AGBL1: variants seen among roughly 807,000 people sequenced by gnomAD.
AGBL1 encodes cytosolic carboxypeptidase 4.
In AGBL1, 130 loss-of-function variants were observed where a neutral mutation model predicts 118.9. The observed-to-expected ratio is 1.09, with a 90% CI of 0.95 to 1.26. The LOEUF is 1.26. Among genes scored for constraint, AGBL1 ranks in the 50% most tolerant of loss-of-function variants. AGBL1 has a pLI of 0.00. For synonymous variants in AGBL1, 555 were observed against 478.9 expected, an observed-to-expected ratio of 1.16 and a Z score of -2.08; for missense variants, 1,584 against 1,298.1, an observed-to-expected ratio of 1.22 and a Z score of -3.38.
At chr15:86,608,768 G>A (rs1017872276) in intron 21 of AGBL1, among the ~76,000 whole-genome samples, 1 of 152,158 alleles carries the variant, frequency 6.6e-6, no homozygotes, top group African/African-American at 2.4e-5. Flanking sequence ...CAGATCTTCT[G>A]ATTTTTCAAG....
At chr15:87,021,859 A>G (rs147257979) in intron 24 of AGBL1, among the ~76,000 whole-genome samples, 2,337 of 152,244 alleles carry the variant, frequency 0.015, 20 homozygotes, top group Non-Finnish European at 0.025. Context: ...GAAACCTGAA[A>G]GGACCCACAG....
intron 18 of AGBL1, among the ~76,000 whole-genome samples, chr15:86,422,582 G>T (rs566815881): frequency 2.6e-5 from 4 of 151,604 alleles, no homozygotes; most frequent in East Asian, 3.9e-4. Context: ...CAGAAAACGA[G>T]AAAATACTTA....
At chr15:86,671,556 G>A (rs190094527) in intron 21 of AGBL1, among the ~76,000 whole-genome samples, 36 of 152,248 alleles carry the variant, frequency 2.4e-4, no homozygotes, top group Non-Finnish European at 4.6e-4. Context: ...CTGTGAACCC[G>A]TGATAACTGA....
At chr15:86,921,986 A>G (rs1177142579) in intron 23 of AGBL1, among the ~76,000 whole-genome samples, 1 of 152,156 alleles carries the variant, frequency 6.6e-6, no homozygotes, top group Non-Finnish European at 1.5e-5. Flanking sequence ...GTCTATATAA[A>G]AAAGGGACCT....
intron 22 of AGBL1, among the ~76,000 whole-genome samples, chr15:86,754,627 G>A (rs1332538407): frequency 1.3e-5 from 2 of 152,024 alleles, no homozygotes; most frequent in Middle Eastern, 3.2e-3. Flanking sequence ...AAGTGAGTAA[G>A]TGCTCCTCGT....
chr15:86,247,922 G>T, intron 7 of AGBL1, 43 bp downstream of exon 7: 1 of 1,592,518 alleles, frequency 6.3e-7, no homozygotes, highest in South Asian at 1.1e-5. Flanking sequence ...AGGCCAGCTG[G>T]GTGATTCCTG....
chr15:86,917,811 C>T (rs540743544), downstream of AGBL1, among the ~76,000 whole-genome samples: 395 of 152,078 alleles, frequency 2.6e-3, 7 homozygotes, highest in Non-Finnish European at 4.9e-3. The surrounding 1 kb of genome is among the most constrained non-coding windows in gnomAD (Gnocchi z 4.8). Flanking sequence ...ATGAGGACTT[C>T]CCAGCATGGC....
At chr15:86,562,288 A>G (rs2083836748) in intron 21 of AGBL1, among the ~76,000 whole-genome samples, 1 of 152,202 alleles carries the variant, frequency 6.6e-6, no homozygotes, top group Non-Finnish European at 1.5e-5. Flanking sequence ...TTTGTCATAA[A>G]TAGCTCTTAT....
At chr15:86,218,344 G>A (rs1300634594) in intron 5 of AGBL1, among the ~76,000 whole-genome samples, 1 of 152,148 alleles carries the variant, frequency 6.6e-6, no homozygotes, top group East Asian at 1.9e-4. Context: ...CTGAAAAGGG[G>A]ACGTCTGGGG....
chr15:86,410,878 T>TTATAATATATATTATATAACATATA lies in AGBL1; in HGVS notation c.2555+13351_2555+13352insCATATATATAATATATATTATATAA, dbSNP rs2081606146. ...TTATATATAAAATATATAATATATATTATAATATATATTATATAATATTAT... is the reference window on the plus strand; with the variant it reads ...TTATATATAAAATATATAATATATATTATAATATATATTATATAACATATATATAATATATATTATATAATATTAT... On this transcript the variant is annotated intron_variant, in intron 18 of 22. Transcript: ENST00000614907. Among the ~76,000 whole-genome samples, 19 of 79,552 alleles carry TTATAATATATATTATATAACATATA rather than the reference T, an allele frequency of 2.4e-4. 1 individual carries two copies. Among genetic ancestry groups the TTATAATATATATTATATAACATATA allele is most frequent in the African/African-American group, 8.6e-4 (19 of 22,166 alleles). 52.2% of individuals were successfully genotyped at this position (79,552 alleles called of 152,430 possible). A position where few individuals can be genotyped will look rare whatever the true frequency, so the allele number is the denominator to read the frequency against.
intron 24 of AGBL1, among the ~76,000 whole-genome samples, chr15:87,018,858 G>T (rs1248648320): frequency 6.6e-6 from 1 of 151,992 alleles, no homozygotes; most frequent in Non-Finnish European, 1.5e-5. Context: ...AAGACCCATT[G>T]GTATGTTGTC....
At chr15:86,884,261 C>A (rs2079937737) in intron 22 of AGBL1, among the ~76,000 whole-genome samples, 1 of 152,106 alleles carries the variant, frequency 6.6e-6, no homozygotes, top group South Asian at 2.1e-4. Context: ...GACTAATGGG[C>A]AGAATGGGCA....
intron 22 of AGBL1, among the ~76,000 whole-genome samples, chr15:86,901,748 A>G (rs1395527570): frequency 6.6e-6 from 1 of 152,062 alleles, no homozygotes; most frequent in Non-Finnish European, 1.5e-5. Flanking sequence ...CTTTGTATGC[A>G]TTTAGGTGTC....
In AGBL1 at chr15:86,413,962, T is replaced by C. The variant is rs144190858; in HGVS notation, c.2555+16416T>C. On this transcript the variant is annotated intron_variant, in intron 18 of 22. Coordinates refer to ENST00000614907, the MANE Select transcript of AGBL1 (RefSeq NM_001386094.1). ...GGATGATTGAATAAATAAAATGTGG[T>C]ATAAGTACACAATGGAATACTATTC... 1.9e-3 allele frequency among the ~76,000 whole-genome samples: 295 copies of C among 152,216 alleles called. 1 individual carries two copies. The highest frequency in any genetic ancestry group is 6.8e-3 in the African/African-American group (284 of 41,546).
At chr15:86,324,046 A>T (rs1227193498) in intron 17 of AGBL1, among the ~76,000 whole-genome samples, 1 of 152,208 alleles carries the variant, frequency 6.6e-6, no homozygotes, top group Non-Finnish European at 1.5e-5. Flanking sequence ...CATGTGCTAT[A>T]AGAAAAAATA....
chr15:86,654,082 T>C (rs960146654), intron 21 of AGBL1, among the ~76,000 whole-genome samples: 3 of 152,154 alleles, frequency 2.0e-5, no homozygotes, highest in African/African-American at 7.2e-5. Context: ...ACTGCAGAGT[T>C]TCACTGATAA....
At chr15:86,761,410 C>G (rs2078022189) in intron 22 of AGBL1, among the ~76,000 whole-genome samples, 1 of 152,048 alleles carries the variant, frequency 6.6e-6, no homozygotes, top group South Asian at 2.1e-4. Context: ...GATCTAAGTT[C>G]TGTAGGTCCT....
At chr15:87,018,727 T>TAAC (rs2141797691) in intron 24 of AGBL1, among the ~76,000 whole-genome samples, 1 of 152,120 alleles carries the variant, frequency 6.6e-6, no homozygotes, top group East Asian at 1.9e-4. Context: ...GTCTGCAAAA[T>TAAC]AACTAGCTAG....
chr15:86,424,565 G>A (rs1330359180), intron 18 of AGBL1, among the ~76,000 whole-genome samples: 1 of 152,174 alleles, frequency 6.6e-6, no homozygotes. Flanking sequence ...AAGAGCTTCT[G>A]CCCAGCAAAA....
Sources: allele counts gnomAD v4.1 joint callset (sites outside exome capture counted in the v4.1 genomes callset), GRCh38; gene constraint gnomAD v4.1.1; non-coding constraint Gnocchi (gnomAD v3.1); transcripts MANE v1.5; gene names NCBI Gene and HGNC (gene_info 2026-07-23, HGNC 2026-07-21).